Variants in LRRC49 observed in about 807,000 individuals in gnomAD.
LRRC49 encodes the protein leucine rich repeat containing 49, also known as leucine-rich repeat-containing protein 49.
Under a neutral mutation model 83.3 loss-of-function variants are expected in LRRC49, and 50 were observed. The observed-to-expected ratio is 0.60, with a 90% CI of 0.48 to 0.76. The LOEUF (loss-of-function observed/expected upper bound fraction) is 0.76. LRRC49 is among the 30% of genes least tolerant of loss of function. The pLI is 0.00. For missense variants in LRRC49, 704 were observed against 809.1 expected, an observed-to-expected ratio of 0.87 and a Z score of 1.58; for synonymous variants, 286 against 283.3, an observed-to-expected ratio of 1.01 and a Z score of -0.10.
At chr15:70,944,701 G>A (rs974036512) in intron 8 of LRRC49, among the ~76,000 whole-genome samples, 4 of 152,058 alleles carry the variant, frequency 2.6e-5, no homozygotes, top group African/African-American at 7.2e-5. Context: ...CACTGCGCCC[G>A]GCCTAAATGT....
chr15:70,907,771 T>C (rs960788548), intron 5 of LRRC49: 3 of 354,684 alleles, frequency 8.5e-6, no homozygotes, highest in Non-Finnish European at 1.1e-5. Context: ...CCTCAGGTGA[T>C]GGGTGAGCCT....
chr15:70,863,909 C>G (rs1224958992), intron 1 of LRRC49, among the ~76,000 whole-genome samples: 3 of 152,146 alleles, frequency 2.0e-5, no homozygotes, highest in African/African-American at 7.2e-5. Context: ...CATTTTTTGC[C>G]ACTGCTCAGA....
intron 14 of LRRC49, among the ~76,000 whole-genome samples, chr15:71,025,749 C>T (rs988160122): frequency 4.8e-5 from 7 of 146,666 alleles, no homozygotes; most frequent in South Asian, 2.1e-4. Context: ...TCTGACAAAA[C>T]GGACTTTAAA....
rs142661109 is a variant in LRRC49, at chr15:71,005,575, G to A, written c.1170-2804G>A. On this transcript the variant is annotated intron_variant, in intron 11 of 15. Coordinates refer to ENST00000260382, the MANE Select transcript of LRRC49 (RefSeq NM_017691.5). ...TGTGTTTATTAGGTTGATTGCAGAG[G>A]AGGATTAGAGCAGTTATATTTCTGA... Among the ~76,000 whole-genome samples, 412 of 152,210 alleles carry A rather than the reference G, an allele frequency of 2.7e-3. 1 individual carries two copies. The Middle Eastern group carries it at 0.027, about 10-fold the overall frequency.
rs761352087 is a variant in LRRC49, at chr15:71,012,809, A to T, written c.1599A>T (p.Thr533=). The change falls in exon 14 of 16, where the codon ACA becomes ACT. Residue 533 remains threonine (T), a synonymous_variant. Transcript: ENST00000260382. ...SMQKINGTEV[T]QNDMIMAERL... ...TTTCTATTGTGTCTCTTCAGGTGACACAGAATGATATGATAATGGCTGAAA... is the reference window on the plus strand; with the variant it reads ...TTTCTATTGTGTCTCTTCAGGTGACTCAGAATGATATGATAATGGCTGAAA... 3.7e-6 allele frequency: 6 copies of T among 1,605,670 alleles called. No individual in the cohort carries two copies. The highest frequency in any genetic ancestry group is 5.1e-6 in the Non-Finnish European group (6 of 1,173,534).
rs2034904106 is a variant in LRRC49 at position 70,919,056 on chromosome 15, A to G, written c.574A>G (p.Lys192Glu). 4 of 1,610,692 alleles carry G rather than the reference A, an allele frequency of 2.5e-6. No homozygotes were observed. Among genetic ancestry groups the G allele is most frequent in the Non-Finnish European group, 2.5e-6 (3 of 1,178,438 alleles). ...CTCCTATTTTCTTTAACAGATTACC[A>G]AAATTGAAAATATTAATCATTTGTG... ...VLDLHGNQIT[K>E]IENINHLCEL... Residue 192 changes from lysine to glutamate, a missense_variant, in exon 7 of 16, where the codon AAA becomes GAA. By Grantham distance (56) the Lys-to-Glu change is moderately conservative (BLOSUM62 1). Coordinates refer to ENST00000260382, the MANE Select transcript of LRRC49 (RefSeq NM_017691.5).
chr15:71,010,073 A>G (rs2038600016), intron 13 of LRRC49, 81 bp downstream of exon 13: 1 of 844,048 alleles, frequency 1.2e-6, no homozygotes, highest in Non-Finnish European at 1.7e-6. Context: ...TTAGGAATTT[A>G]AGTAACCATG....
Position 70,859,734 on chromosome 15 carries a change from G to T in LRRC49, c.-299+6265G>T, listed in dbSNP as rs114245348. ...GCCACCATCGCAGATGTGGAGCAGC[G>T]TGGGGAGCTGGCCGTTAAGGATGCC... On this transcript the variant is annotated intron_variant, in intron 1 of 16. Coordinates refer to the LRRC49 transcript ENST00000544974. The T allele has an allele frequency of 1.8e-3, 1,236 of 703,304 alleles. 20 individuals are homozygous for T. In the African/African-American group the frequency reaches 0.02, roughly 11 times the overall value. 43.6% of individuals were successfully genotyped at this position (703,304 alleles called of 1,614,324 possible).
chr15:70,888,596 A>G (rs1305456278), upstream of LRRC49, among the ~76,000 whole-genome samples: 1 of 152,204 alleles, frequency 6.6e-6, no homozygotes, highest in Non-Finnish European at 1.5e-5. Flanking sequence ...AAGTATTAAG[A>G]ATAAGGAAAA....
At chr15:70,943,177 GT>G (rs545076726) in intron 8 of LRRC49, among the ~76,000 whole-genome samples, 19 of 147,714 alleles carry the variant, frequency 1.3e-4, no homozygotes, top group East Asian at 3.9e-4. Flanking sequence ...TTTTAGTTTA[GT>G]TTTTTTTTTA....
chr15:70,973,997 C>A (rs139813969), intron 9 of LRRC49, among the ~76,000 whole-genome samples: 2 of 151,892 alleles, frequency 1.3e-5, no homozygotes, highest in Admixed American at 1.3e-4. Context: ...CATGGTGGTG[C>A]GTGCCTGTAA....
At chr15:70,946,472 T>C (rs113192156) in intron 8 of LRRC49, among the ~76,000 whole-genome samples, 23 of 152,284 alleles carry the variant, frequency 1.5e-4, no homozygotes, top group African/African-American at 5.1e-4. Flanking sequence ...ATATACCACA[T>C]TTTCTTTATC....
At chr15:70,985,584 G>A (rs1329962150) in intron 11 of LRRC49, among the ~76,000 whole-genome samples, 2 of 152,154 alleles carry the variant, frequency 1.3e-5, no homozygotes, top group African/African-American at 4.8e-5. Flanking sequence ...TAAGTTGCCT[G>A]TTCACTCTGA....
chr15:71,041,885 G>A (rs968376201), intron 15 of LRRC49, among the ~76,000 whole-genome samples: 9 of 152,100 alleles, frequency 5.9e-5, no homozygotes, highest in Non-Finnish European at 1.2e-4. Flanking sequence ...AAACAGGGTG[G>A]TTGTAAAGAG....
At chr15:70,874,484 T>C (rs1391344174) in intron 2 of LRRC49, among the ~76,000 whole-genome samples, 1 of 152,152 alleles carries the variant, frequency 6.6e-6, no homozygotes, top group Admixed American at 6.6e-5. Context: ...GGAGACAAGT[T>C]GGGGAACATT....
chr15:71,036,818 G>A (rs2039533867), intron 14 of LRRC49, among the ~76,000 whole-genome samples: 1 of 152,154 alleles, frequency 6.6e-6, no homozygotes, highest in South Asian at 2.1e-4. Context: ...GTGGTAATTA[G>A]CATGTTTTAT....
chr15:70,957,552 C>T (rs1274701156), intron 8 of LRRC49, among the ~76,000 whole-genome samples: 2 of 151,644 alleles, frequency 1.3e-5, no homozygotes, highest in Admixed American at 6.6e-5. Flanking sequence ...ATTCATTCAC[C>T]GAAACTTTAT....
At chr15:70,854,315 G>A (rs1009707549) in intron 1 of LRRC49, among the ~76,000 whole-genome samples, 1 of 151,880 alleles carries the variant, frequency 6.6e-6, no homozygotes, top group African/African-American at 2.4e-5. Context: ...CCTCGGAGGT[G>A]GAGGGCGGCT....
Position 71,008,585 on chromosome 15 carries a change from C to A in LRRC49, c.1376C>A (p.Pro459His). ...IEFDEIVQVL[P>H]KLKIKFPNSL... ...TTTGATGAAATCGTCCAAGTGCTTCCTAAACTGAAGATTAAGTTTCCTAAT... is the reference window on the plus strand; with the variant it reads ...TTTGATGAAATCGTCCAAGTGCTTCATAAACTGAAGATTAAGTTTCCTAAT... Residue 459 changes from proline to histidine, a missense_variant, in exon 12 of 16, where the codon CCT (proline) becomes CAT (histidine). Physicochemically the swap from Pro to His is moderately conservative, Grantham distance 77. Transcript: ENST00000260382. The A allele has an allele frequency of 6.2e-7, 1 of 1,612,026 alleles. No homozygotes were observed. The highest frequency in any genetic ancestry group is 8.5e-7 in the Non-Finnish European group (1 of 1,178,654).
Sources: allele counts gnomAD v4.1 joint callset (sites outside exome capture counted in the v4.1 genomes callset), GRCh38; gene constraint gnomAD v4.1.1; transcripts MANE v1.5; gene names NCBI Gene and HGNC (gene_info 2026-07-23, HGNC 2026-07-21).